Variants in WDR25 observed in about 807,000 individuals in gnomAD.
The protein encoded by WDR25 is WD repeat-containing protein 25.
In WDR25, 35 loss-of-function variants were observed where a neutral mutation model predicts 47.7. That is an observed-to-expected ratio of 0.73 (90% CI 0.56 to 0.97). WDR25 has a LOEUF of 0.97. Ranked by LOEUF, WDR25 falls within the 50% of genes least tolerant of loss-of-function variation. WDR25 has a pLI of 0.00. For missense variants in WDR25, 634 were observed against 704.7 expected (o/e 0.90, Z 1.14); for synonymous variants, 248 against 278.9 (o/e 0.89, Z 1.10).
chr14:100,530,143 C>A lies in WDR25; in HGVS notation c.*102C>A. On this transcript the variant is annotated 3_prime_UTR_variant, in exon 7 of 7. Transcript: ENST00000402312. ...CGAGCACAGAGGTTGGCTGTGGGTC[C>A]TGGGTACCACCTTCTGAGCCTCAGT... is the stretch of plus-strand genomic sequence containing the variant. The A allele has an allele frequency of 8.5e-7, 1 of 1,169,866 alleles. No individual in the cohort carries two copies. Among genetic ancestry groups the A allele is most frequent in the Non-Finnish European group, 1.2e-6 (1 of 834,188 alleles). The allele number at this position is 1,169,866 out of a possible 1,614,324, so 72.5% of individuals were successfully genotyped here.
At chr14:100,378,406 A>G (rs888719520) in intron 1 of WDR25, among the ~76,000 whole-genome samples, 1 of 152,100 alleles carries the variant, frequency 6.6e-6, no homozygotes, top group Non-Finnish European at 1.5e-5. Context: ...ACCTCAGGTG[A>G]TCCGCCCACC....
At chr14:100,510,139 G>A (rs192633770) in intron 4 of WDR25, among the ~76,000 whole-genome samples, 2 of 151,928 alleles carry the variant, frequency 1.3e-5, no homozygotes, top group African/African-American at 2.4e-5. Context: ...GCGTGGTGGC[G>A]TGTGTCTGTA....
intron 4 of WDR25, among the ~76,000 whole-genome samples, chr14:100,497,708 T>C (rs1245597691): frequency 6.6e-6 from 1 of 152,202 alleles, no homozygotes; most frequent in African/African-American, 2.4e-5. Flanking sequence ...GAACATATTT[T>C]TCTTTTTCCC....
intron 4 of WDR25, among the ~76,000 whole-genome samples, chr14:100,492,676 AATTT>A (rs1220406201): frequency 2.0e-5 from 3 of 152,036 alleles, no homozygotes; most frequent in East Asian, 1.9e-4. Context: ...GGTTTTTAAA[AATTT>A]ATTTATTTTT....
chr14:100,415,028 A>G (rs1897831630), intron 2 of WDR25, among the ~76,000 whole-genome samples: 1 of 152,106 alleles, frequency 6.6e-6, no homozygotes, highest in South Asian at 2.1e-4. Context: ...GAGCAAGGCC[A>G]GTGCTTGCTG....
chr14:100,471,545 C>T (rs1000999762), intron 3 of WDR25, among the ~76,000 whole-genome samples: 7 of 152,188 alleles, frequency 4.6e-5, no homozygotes, highest in African/African-American at 1.7e-4. Context: ...TCTACTGGAT[C>T]TGCCTTTTTC....
At chr14:100,496,651 T>G (rs879418418) in intron 4 of WDR25, among the ~76,000 whole-genome samples, 1 of 152,072 alleles carries the variant, frequency 6.6e-6, no homozygotes, top group Non-Finnish European at 1.5e-5. Flanking sequence ...ATCCCACAAA[T>G]TTTAGTTATA....
intron 2 of WDR25, among the ~76,000 whole-genome samples, chr14:100,388,472 A>G (rs1427751557): frequency 6.6e-6 from 1 of 152,158 alleles, no homozygotes. Context: ...CTTCCAGAGG[A>G]CTTTCAGAAT....
chr14:100,481,289 A>G, intron 3 of WDR25: 2 of 797,806 alleles, frequency 2.5e-6, no homozygotes, highest in Non-Finnish European at 3.9e-6. Context: ...ACCATATACC[A>G]TGTCTTATCA....
chr14:100,463,959 CTGAT>C (rs1899515482), intron 2 of WDR25, among the ~76,000 whole-genome samples: 1 of 152,172 alleles, frequency 6.6e-6, no homozygotes, highest in Non-Finnish European at 1.5e-5. Context: ...CAGAAGCCTC[CTGAT>C]TGTCTTCCTT....
At chr14:100,418,388 C>A (rs571579018) in intron 2 of WDR25, among the ~76,000 whole-genome samples, 28 of 151,652 alleles carry the variant, frequency 1.8e-4, no homozygotes, top group African/African-American at 6.3e-4. Context: ...AATCCCAGCA[C>A]TTTGGGAGGC....
intron 4 of WDR25, among the ~76,000 whole-genome samples, chr14:100,494,541 G>A (rs1900669392): frequency 6.6e-6 from 1 of 152,198 alleles, no homozygotes; most frequent in African/African-American, 2.4e-5. Context: ...CTATAAAAAG[G>A]ACTTTAGTAA....
chr14:100,399,902 A>C (rs1445149850), intron 2 of WDR25, among the ~76,000 whole-genome samples: 1 of 152,214 alleles, frequency 6.6e-6, no homozygotes, highest in Non-Finnish European at 1.5e-5. Context: ...ACATTAACTG[A>C]GGGAAAAATA....
rs554970334 is a variant in WDR25, at chr14:100,470,874, G to C, written c.970+2706G>C. On this transcript the variant is annotated intron_variant, in intron 3 of 6. Coordinates refer to ENST00000402312, the MANE Select transcript of WDR25 (RefSeq NM_001161476.3). Reference sequence around the variant, plus strand: ...TGCCCCCAGGGCATTACCATCCAGTGGGGGAGGTGATTGAGGACTTCTTCA... The same window carrying C: ...TGCCCCCAGGGCATTACCATCCAGTCGGGGAGGTGATTGAGGACTTCTTCA... Among the ~76,000 whole-genome samples the C allele has an allele frequency of 3.3e-5, 5 of 152,364 alleles. 1 individual carries two copies. In the South Asian group the frequency reaches 8.3e-4, roughly 25 times the overall value.
intron 2 of WDR25, among the ~76,000 whole-genome samples, chr14:100,383,272 A>G (rs566244272): frequency 1.2e-4 from 18 of 152,334 alleles, no homozygotes; most frequent in African/African-American, 4.3e-4. Context: ...TTTTCCTGCC[A>G]TTCCGGGGGC....
chr14:100,450,150 G>A (rs1449185673), intron 2 of WDR25, among the ~76,000 whole-genome samples: 1 of 152,204 alleles, frequency 6.6e-6, no homozygotes, highest in African/African-American at 2.4e-5. Flanking sequence ...TTTACATGGA[G>A]GGAAAAATTC....
intron 4 of WDR25, among the ~76,000 whole-genome samples, chr14:100,515,789 C>CTTTTTTTTTTT (rs11301950): frequency 4.5e-5 from 5 of 110,308 alleles, no homozygotes; most frequent in Non-Finnish European, 7.2e-5. Flanking sequence ...CCACACCTTG[C>CTTTTTTTTTTT]TTTTTTTTTT....
intron 2 of WDR25, among the ~76,000 whole-genome samples, chr14:100,444,857 TGCCTTCTGTGGC>T (rs1301888700): frequency 3.9e-5 from 6 of 152,232 alleles, no homozygotes; most frequent in African/African-American, 1.4e-4. Flanking sequence ...AAGTTGATAG[TGCCTTCTGTGGC>T]ACCTTCTACT....
At chr14:100,413,654 C>T (rs1897780238) in intron 2 of WDR25, among the ~76,000 whole-genome samples, 1 of 152,136 alleles carries the variant, frequency 6.6e-6, no homozygotes, top group African/African-American at 2.4e-5. Context: ...ACCTCGTGAT[C>T]CACCCACCTC....
Sources: gnomAD v4.1 joint callset for allele counts (sites outside exome capture counted in the v4.1 genomes callset) on GRCh38, gnomAD v4.1.1 for gene constraint, MANE v1.5 for transcripts, NCBI Gene and HGNC (gene_info 2026-07-23, HGNC 2026-07-21) for gene names.